VRK1: variants seen among roughly 807,000 people sequenced by gnomAD.
The protein encoded by VRK1 is serine/threonine-protein kinase VRK1.
Under a neutral mutation model 57.1 loss-of-function variants are expected in VRK1, and 33 were observed. The observed-to-expected ratio is 0.58, with a 90% CI of 0.44 to 0.77. The LOEUF is 0.77. Ranked by LOEUF, VRK1 falls within the 30% of genes least tolerant of loss-of-function variation. VRK1 has a pLI of 0.00. For synonymous variants in VRK1, 137 were observed against 147.8 expected, an observed-to-expected ratio of 0.93 and a Z score of 0.53; for missense variants, 413 against 477.3, an observed-to-expected ratio of 0.87 and a Z score of 1.25.
intron 12 of VRK1, chr14:96,877,401 C>T (rs748474415): frequency 2.5e-6 from 2 of 806,432 alleles, no homozygotes; most frequent in Non-Finnish European, 3.6e-6. Flanking sequence ...ACACTGAAGG[C>T]GAGAGGTTTT....
intron 1 of VRK1, among the ~76,000 whole-genome samples, chr14:96,816,157 G>GA (rs1886385087): frequency 1.3e-5 from 2 of 152,182 alleles, no homozygotes; most frequent in Admixed American, 6.5e-5. Flanking sequence ...CAGTGGGAAA[G>GA]AAAAAAGAAA....
At chr14:96,836,557 C>G (rs1168212889) in intron 2 of VRK1, among the ~76,000 whole-genome samples, 1 of 128,362 alleles carries the variant, frequency 7.8e-6, no homozygotes, top group Admixed American at 9.3e-5. Flanking sequence ...GAGTCTCGCT[C>G]TGTTGCCCAG....
At chr14:96,856,283 T>C (rs1163641315) in intron 9 of VRK1, 33 bp downstream of exon 9, 3 of 1,608,118 alleles carry the variant, frequency 1.9e-6, no homozygotes, top group Non-Finnish European at 1.7e-6. Context: ...TCTAGCAAAA[T>C]CATGATAAGC....
rs943810223 is a variant in VRK1 at position 96,856,230 on chromosome 14, T to G, written c.810T>G (p.Tyr270Ter). ...PWEDNLKDPK[Y>*]VRDSKIRYRE... ...AGGATAATTTGAAAGATCCTAAATA[T>G]GTTAGAGATTCCAAAATTAGGTAAA... The change falls in exon 9 of 13, where the codon TAT (tyrosine) becomes TAG (stop). Residue 270 changes from tyrosine to a stop codon, truncating the protein, a stop_gained. Transcript: ENST00000216639. LOFTEE classifies it high-confidence loss of function. 5.0e-6 allele frequency: 8 copies of G among 1,613,514 alleles called. No individual in the cohort carries two copies. Among genetic ancestry groups the G allele is most frequent in the Non-Finnish European group, 6.8e-6 (8 of 1,179,754 alleles).
intron 1 of VRK1, among the ~76,000 whole-genome samples, chr14:96,808,054 T>TGTGTGTGC (rs1885980230): frequency 7.0e-6 from 1 of 142,952 alleles, no homozygotes; most frequent in Non-Finnish European, 1.5e-5. Context: ...TGTGTGTGTG[T>TGTGTGTGC]GCATGTGATT....
At chr14:96,869,800 G>C (rs1049143791) in intron 11 of VRK1, among the ~76,000 whole-genome samples, 2 of 152,054 alleles carry the variant, frequency 1.3e-5, no homozygotes, top group African/African-American at 4.8e-5. Context: ...GCGTGTTTAG[G>C]AATTAGGTGT....
chr14:96,874,103 A>G (rs1030741944), intron 11 of VRK1, among the ~76,000 whole-genome samples: 1 of 152,182 alleles, frequency 6.6e-6, no homozygotes, highest in Admixed American at 6.5e-5. Context: ...TCCCTTTATG[A>G]TGAGCATTTA....
intron 8 of VRK1, 68 bp from the exon 9 acceptor site, chr14:96,856,062 A>G (rs1888140128): frequency 1.3e-6 from 2 of 1,549,002 alleles, no homozygotes; most frequent in African/African-American, 1.4e-5. Flanking sequence ...TTATTACTTT[A>G]TATATACTTT....
At chr14:96,801,769 C>T (rs1885671658) in intron 1 of VRK1, among the ~76,000 whole-genome samples, 1 of 152,018 alleles carries the variant, frequency 6.6e-6, no homozygotes, top group South Asian at 2.1e-4. Context: ...ATTAAGAAAA[C>T]CCTAAGAAAG....
chr14:96,834,992 T>C (rs534097380), intron 2 of VRK1, among the ~76,000 whole-genome samples: 1 of 152,346 alleles, frequency 6.6e-6, no homozygotes, highest in Admixed American at 6.5e-5. Flanking sequence ...TGTAACCTTT[T>C]GCAAAGTTAA....
chr14:96,853,739 A>G (rs1030513627), intron 7 of VRK1, among the ~76,000 whole-genome samples: 1 of 152,028 alleles, frequency 6.6e-6, no homozygotes, highest in African/African-American at 2.4e-5. Context: ...TATTTAGGTC[A>G]GTTTAGTTGA....
intron 5 of VRK1, among the ~76,000 whole-genome samples, chr14:96,849,408 A>G (rs1887858032): frequency 6.6e-6 from 1 of 152,084 alleles, no homozygotes; most frequent in Non-Finnish European, 1.5e-5. Context: ...ACTTGGAATA[A>G]CAGCCTTTTC....
At chr14:96,837,699 TA>T in intron 2 of VRK1, 62 bp from the exon 3 acceptor site, 1 of 1,086,114 alleles carries the variant, frequency 9.2e-7, no homozygotes, top group Non-Finnish European at 1.3e-6. Flanking sequence ...TATACAAACC[TA>T]AATATTAATA....
At chr14:96,801,989 T>G (rs2139676546) in intron 1 of VRK1, among the ~76,000 whole-genome samples, 1 of 152,284 alleles carries the variant, frequency 6.6e-6, no homozygotes, top group South Asian at 2.1e-4. Context: ...GTATGCATTT[T>G]TTTCTTAGAG....
chr14:96,798,627 G>GT (rs555843854), intron 1 of VRK1, among the ~76,000 whole-genome samples: 11 of 151,924 alleles, frequency 7.2e-5, no homozygotes, highest in Non-Finnish European at 1.3e-4. Flanking sequence ...AAATTCAAGA[G>GT]TAAAAAAAAG....
At chr14:96,859,487 G>C (rs1198730634) in intron 10 of VRK1, among the ~76,000 whole-genome samples, 2 of 152,172 alleles carry the variant, frequency 1.3e-5, no homozygotes, top group Non-Finnish European at 2.9e-5. Context: ...CATACATGGT[G>C]ATATTTGTTT....
intron 1 of VRK1, among the ~76,000 whole-genome samples, chr14:96,829,803 T>G (rs1886937831): frequency 6.6e-6 from 1 of 152,164 alleles, no homozygotes; most frequent in Admixed American, 6.5e-5. Context: ...CTTTTCTCTC[T>G]TTTATAACCC....
At chr14:96,828,647 G>A (rs145449517) in intron 1 of VRK1, among the ~76,000 whole-genome samples, 1 of 150,976 alleles carries the variant, frequency 6.6e-6, no homozygotes, top group East Asian at 1.9e-4. Flanking sequence ...GAATTCAGCA[G>A]CACACTAAAA....
At chr14:96,863,635 T>G (rs78867037) in intron 11 of VRK1, among the ~76,000 whole-genome samples, 1,592 of 152,328 alleles carry the variant, frequency 0.01, 22 homozygotes, top group African/African-American at 0.031. Context: ...AGTTTTTCAT[T>G]TTCAGACAGC....
Sources: allele counts gnomAD v4.1 joint callset (sites outside exome capture counted in the v4.1 genomes callset), GRCh38; gene constraint gnomAD v4.1.1; transcripts MANE v1.5; gene names NCBI Gene and HGNC (gene_info 2026-07-23, HGNC 2026-07-21).